Variants in NEDD9 observed in about 807,000 individuals in gnomAD.
NEDD9 encodes the protein enhancer of filamentation 1.
In NEDD9, 26 loss-of-function variants were observed where a neutral mutation model predicts 76.6. That is an observed-to-expected ratio of 0.34 (90% confidence interval 0.25 to 0.47). The LOEUF is 0.47. Among genes scored for constraint, NEDD9 ranks in the 20% least tolerant of loss-of-function variants. The pLI is 1.00. For missense variants in NEDD9, 937 were observed against 1,058.5 expected (o/e 0.89, Z 1.59); for synonymous variants, 392 against 414.2 (o/e 0.95, Z 0.65).
chr6:11,247,477 A>G (rs1759833978), intron 3 of NEDD9, among the ~76,000 whole-genome samples: 1 of 152,216 alleles, frequency 6.6e-6, no homozygotes, highest in Non-Finnish European at 1.5e-5. Flanking sequence ...ACAATTTTAA[A>G]GTGTACTCTT....
At chr6:11,248,597 T>C (rs1759854700) in intron 3 of NEDD9, among the ~76,000 whole-genome samples, 1 of 152,258 alleles carries the variant, frequency 6.6e-6, no homozygotes, top group East Asian at 1.9e-4. Context: ...GGCTTGGCTG[T>C]TCTGCTGGCT....
chr6:11,278,125 T>G (rs1760453411), intron 3 of NEDD9, among the ~76,000 whole-genome samples: 1 of 152,156 alleles, frequency 6.6e-6, no homozygotes, highest in South Asian at 2.1e-4. Context: ...ATAACACATC[T>G]TCTTCCCCTC....
In NEDD9 at chr6:11,216,314, C is replaced by T. The variant is rs1036815120; in HGVS notation, c.13-2587G>A. On this transcript the variant is annotated intron_variant, in intron 1 of 6. Transcript: ENST00000379446. ...AGGAGTATGAGTTATTTAATATCTG[C>T]GCAAGCTACAGAGAGCCAATGTCTA... 5.9e-5 allele frequency among the ~76,000 whole-genome samples: 9 copies of T among 152,204 alleles called. No individual in the cohort carries two copies. The South Asian group carries it at 1.0e-3, about 18-fold the overall frequency.
intron 2 of NEDD9, among the ~76,000 whole-genome samples, chr6:11,207,923 A>T (rs9461564): frequency 0.019 from 2,868 of 152,320 alleles, 60 homozygotes; most frequent in African/African-American, 0.056. Flanking sequence ...CATGCCTATT[A>T]TCCCAGCACT....
At chr6:11,266,929 C>CA (rs1760212270) in intron 3 of NEDD9, among the ~76,000 whole-genome samples, 1 of 152,164 alleles carries the variant, frequency 6.6e-6, no homozygotes. Context: ...ACCCTCCTCT[C>CA]ATTCACTTTA....
chr6:11,364,702 A>G (rs1031334611), intron 1 of NEDD9, among the ~76,000 whole-genome samples: 2 of 151,770 alleles, frequency 1.3e-5, no homozygotes, highest in African/African-American at 4.8e-5. Flanking sequence ...AAACATAGTT[A>G]CTCTACTGTA....
intron 1 of NEDD9, among the ~76,000 whole-genome samples, chr6:11,355,737 T>TC (rs1762553207): frequency 6.6e-6 from 1 of 152,078 alleles, no homozygotes; most frequent in South Asian, 2.1e-4. Context: ...AATTATTTTT[T>TC]TGAGACAGAG....
At chr6:11,205,212 C>T (rs187266429) in intron 2 of NEDD9, among the ~76,000 whole-genome samples, 1 of 152,326 alleles carries the variant, frequency 6.6e-6, no homozygotes, top group African/African-American at 2.4e-5. Context: ...CCTCAGTTCC[C>T]TCCTCTGAAC....
At chr6:11,357,049 C>G (rs1762589740) in intron 1 of NEDD9, among the ~76,000 whole-genome samples, 2 of 152,128 alleles carry the variant, frequency 1.3e-5, no homozygotes, top group Admixed American at 6.5e-5. Context: ...TCTCGTTGAG[C>G]CACCATTTTT....
chr6:11,249,225 CA>C, intron 3 of NEDD9: 1 of 455,192 alleles, frequency 2.2e-6, no homozygotes, highest in Non-Finnish European at 4.4e-6. Flanking sequence ...CTAAATAAAA[CA>C]AATATATATT....
At chr6:11,205,276 T>C (rs1758575077) in intron 2 of NEDD9, among the ~76,000 whole-genome samples, 1 of 152,206 alleles carries the variant, frequency 6.6e-6, no homozygotes, top group South Asian at 2.1e-4. Flanking sequence ...CAGGTGGTAG[T>C]ACCTCTATGG....
intron 3 of NEDD9, among the ~76,000 whole-genome samples, chr6:11,274,663 C>T (rs1382750489): frequency 6.6e-6 from 1 of 152,114 alleles, no homozygotes; most frequent in African/African-American, 2.4e-5. Context: ...AATATATGAC[C>T]TCAGACCTGT....
At chr6:11,199,172 G>T (rs1281078137) in intron 2 of NEDD9, 1 of 152,228 alleles carries the variant, frequency 6.6e-6, no homozygotes, top group Non-Finnish European at 1.5e-5. Context: ...ACATACGATT[G>T]CTTTAGTTCT....
Position 11,284,482 on chromosome 6 carries a change from C to T in NEDD9, c.12+21510G>A, listed in dbSNP as rs559289018. Among the ~76,000 whole-genome samples, 120 of 150,142 alleles carry T rather than the reference C, an allele frequency of 8.0e-4. 1 individual carries two copies. The highest frequency in any genetic ancestry group is 4.2e-4 in the South Asian group (2 of 4,738). ...TAGGGAGGCTGAGGCAGGAGAATGG[C>T]GTGAACCCGGGAGGTGGATGTTGCA... On this transcript the variant is annotated intron_variant, in intron 3 of 3. Transcript: ENST00000397378.
At chr6:11,254,621 G>A (rs1403337594) in intron 3 of NEDD9, among the ~76,000 whole-genome samples, 2 of 152,064 alleles carry the variant, frequency 1.3e-5, no homozygotes, top group African/African-American at 2.4e-5. Flanking sequence ...ATTTTTATTT[G>A]CTAAATCTGA....
intron 3 of NEDD9, among the ~76,000 whole-genome samples, chr6:11,260,247 G>A (rs894817368): frequency 6.6e-6 from 1 of 152,132 alleles, no homozygotes; most frequent in Admixed American, 6.5e-5. Flanking sequence ...AATGTACATT[G>A]AGAAGCTCCC....
In NEDD9 at chr6:11,319,078, A is replaced by G. The variant is rs909623907; in HGVS notation, c.-152-12923T>C. On this transcript the variant is annotated intron_variant, in intron 2 of 3. Transcript: ENST00000397378. ...GCTTTTGTTATAATATTAAAGTGAC[A>G]AAGATAAACAACTTTATTTGTGGTT... Among the ~76,000 whole-genome samples the G allele has an allele frequency of 2.0e-5, 3 of 152,272 alleles. No homozygotes were observed. The South Asian group carries it at 6.2e-4, about 31-fold the overall frequency.
At chr6:11,329,724 A>T (rs977812342) in intron 2 of NEDD9, among the ~76,000 whole-genome samples, 4 of 151,958 alleles carry the variant, frequency 2.6e-5, no homozygotes, top group Admixed American at 6.6e-5. Context: ...GACATTTAGC[A>T]ATGTCTCGAG....
At chr6:11,270,554 A>G (rs913411033) in intron 3 of NEDD9, among the ~76,000 whole-genome samples, 4 of 152,200 alleles carry the variant, frequency 2.6e-5, no homozygotes, top group African/African-American at 9.7e-5. Context: ...TCAGCCTCCA[A>G]TGACGTAGTC....
Sources: gnomAD v4.1 joint callset for allele counts (sites outside exome capture counted in the v4.1 genomes callset) on GRCh38, gnomAD v4.1.1 for gene constraint, MANE v1.5 for transcripts, NCBI Gene and HGNC (gene_info 2026-07-23, HGNC 2026-07-21) for gene names.